Variants in LAMC2 observed in about 807,000 individuals in gnomAD.
The protein encoded by LAMC2 is laminin subunit gamma-2.
Under a neutral mutation model 140.2 loss-of-function variants are expected in LAMC2, and 97 were observed. The ratio of observed to expected loss-of-function variants is 0.69; its 90% confidence interval spans 0.59 to 0.82. LAMC2 has a LOEUF of 0.82. Ranked by LOEUF, LAMC2 falls within the 40% of genes least tolerant of loss-of-function variation. The pLI, the probability that LAMC2 is intolerant of heterozygous loss-of-function variation, is 0.00. For missense variants in LAMC2, 1,402 were observed against 1,476.1 expected (o/e 0.95, Z 0.82); for synonymous variants, 513 against 540.2 (o/e 0.95, Z 0.70).
chr1:183,226,719 T>A lies in LAMC2; in HGVS notation c.1088T>A (p.Val363Glu). The A allele has an allele frequency of 6.2e-7, 1 of 1,614,214 alleles. No homozygotes were observed. Among genetic ancestry groups the A allele is most frequent in the Non-Finnish European group, 8.5e-7 (1 of 1,180,026 alleles). ...GEYSTGYIDN[V>E]TLISARPVSG... ...GCAGGTACTGGGTACATTGACAATG[T>A]GACCCTGATTTCAGCCCGCCCTGTC... Residue 363 changes from valine (V) to glutamate (E), a missense_variant, in exon 9 of 23, where the codon GTG becomes GAG. Physicochemically the swap from Val to Glu is moderately radical, Grantham distance 121. Coordinates refer to ENST00000264144, the MANE Select transcript of LAMC2 (RefSeq NM_005562.3).
intron 12 of LAMC2, 34 bp from the exon 13 acceptor site, chr1:183,232,153 C>T (rs775435544): frequency 9.3e-6 from 15 of 1,612,148 alleles, no homozygotes; most frequent in African/African-American, 8.0e-5. Context: ...ACATGGTCTC[C>T]ACCCTCGTTC....
At position 183,235,573 on chromosome 1, in the gene LAMC2, A is replaced by C. The variant is rs1402979203; in HGVS notation, c.2301-2A>C. The C allele has an allele frequency of 6.2e-7, 1 of 1,614,092 alleles. No homozygotes were observed. The stretch of plus-strand genomic sequence containing the variant: ...TTATTCTTTTGTTTTTAATCCTTTC[A>C]GCCACGTTGAGTCAGCCAGTAACAT... On this transcript the variant is annotated splice_acceptor_variant, in intron 15 of 22. Transcript: ENST00000264144. LOFTEE classifies it high-confidence loss of function.
chr1:183,254,520 C>T, the LAMC2 span, among the ~76,000 whole-genome samples: 1 of 152,034 alleles, frequency 6.6e-6, no homozygotes, highest in Admixed American at 6.5e-5. Context: ...TCACTGGAGC[C>T]TCAAACTCCT....
In LAMC2 at chr1:183,243,450, G is replaced by A. The variant is rs753970323; in HGVS notation, c.*50G>A. The A allele has an allele frequency of 1.9e-6, 3 of 1,612,194 alleles. No individual in the cohort carries two copies. Among genetic ancestry groups the A allele is most frequent in the Non-Finnish European group, 2.5e-6 (3 of 1,178,490 alleles). On this transcript the variant is annotated 3_prime_UTR_variant, in exon 23 of 23. Coordinates refer to ENST00000264144, the MANE Select transcript of LAMC2 (RefSeq NM_005562.3). Reference sequence around the variant, plus strand: ...GAGGTTCTTGGGATACAGATCTCAGGGCTCGGGAGCCATGTCATGTGAGTG... The same window carrying A: ...GAGGTTCTTGGGATACAGATCTCAGAGCTCGGGAGCCATGTCATGTGAGTG...
rs535102186 is a variant in LAMC2 at position 183,241,582 on chromosome 1, G to A, written c.3328+1191G>A. Among the ~76,000 whole-genome samples the A allele has an allele frequency of 7.2e-4, 109 of 152,270 alleles. 3 individuals carry two copies. The South Asian group carries it at 0.016, about 22-fold the overall frequency. ...GCAGCAGATGTGGAACTAGAGATTC[G>A]TCACAGATTCCAGTAACATTTAGGA... On this transcript the variant is annotated intron_variant, in intron 22 of 22. Coordinates refer to ENST00000264144, the MANE Select transcript of LAMC2 (RefSeq NM_005562.3).
Position 183,243,540 on chromosome 1 carries a change from C to T in LAMC2, c.*140C>T. 1 of 1,042,972 alleles carries T rather than the reference C, an allele frequency of 9.6e-7. No individual in the cohort carries two copies. The highest frequency in any genetic ancestry group is 1.5e-6 in the Non-Finnish European group (1 of 682,654). The allele number at this position is 1,042,972 out of a possible 1,614,324, so 64.6% of individuals were successfully genotyped here. On this transcript the variant is annotated 3_prime_UTR_variant, in exon 23 of 23. Transcript: ENST00000264144. ...TCAGGTCAACTGACCTGACCCCATTCCTGATCCCATGGCCAGGTGGTTGTC... is the reference window on the plus strand; with the variant it reads ...TCAGGTCAACTGACCTGACCCCATTTCTGATCCCATGGCCAGGTGGTTGTC...
chr1:183,194,645 A>T (rs1396586330), intron 1 of LAMC2, among the ~76,000 whole-genome samples: 1 of 152,222 alleles, frequency 6.6e-6, no homozygotes, highest in Admixed American at 6.5e-5. Context: ...ATTCAGACAC[A>T]TCATAGAAGG....
At chr1:183,212,894 T>A (rs12403595) in intron 2 of LAMC2, among the ~76,000 whole-genome samples, 28,566 of 152,018 alleles carry the variant, frequency 0.19, 2,711 homozygotes, top group East Asian at 0.26. Context: ...TCATCATTCC[T>A]AACCCAAGAG....
intron 1 of LAMC2, among the ~76,000 whole-genome samples, chr1:183,203,156 C>T (rs1658774786): frequency 6.6e-6 from 1 of 152,156 alleles, no homozygotes; most frequent in African/African-American, 2.4e-5. Context: ...CAATAGATTT[C>T]ATACACAAAG....
At chr1:183,198,036 T>C (rs1658577439) in intron 1 of LAMC2, among the ~76,000 whole-genome samples, 1 of 151,222 alleles carries the variant, frequency 6.6e-6, no homozygotes, top group Non-Finnish European at 1.5e-5. Context: ...AGATTTGATG[T>C]CTCAGAAAGA....
chr1:183,240,432 C>A (rs771855441), intron 22 of LAMC2, 41 bp downstream of exon 22: 4 of 1,612,002 alleles, frequency 2.5e-6, no homozygotes, highest in Non-Finnish European at 3.4e-6. Flanking sequence ...GCTCCATGCT[C>A]CAGGGCTTTG....
In LAMC2 at chr1:183,238,329, G is replaced by A. The variant is rs201251711; in HGVS notation, c.2777G>A (p.Arg926His). The stretch of plus-strand genomic sequence containing the variant: ...CAGAAATCAGATCAGCTGCTTTCCC[G>A]TGCCAATCTTGCTAAAAGCAGAGCA... ...GREKSDQLLS[R>H]ANLAKSRAQE... The change falls in exon 19 of 23, where the codon CGT becomes CAT. Residue 926 changes from arginine (R) to histidine (H), a missense_variant. By Grantham distance (29) the Arg-to-His change is conservative. Transcript: ENST00000264144. The A allele has an allele frequency of 1.4e-4, 225 of 1,613,872 alleles. 4 individuals carry two copies. Among genetic ancestry groups the A allele is most frequent in the South Asian group, 5.9e-4 (54 of 91,080 alleles).
chr1:183,247,727 G>T (rs138252548), downstream of LAMC2, among the ~76,000 whole-genome samples: 479 of 152,274 alleles, frequency 3.1e-3, 6 homozygotes, highest in African/African-American at 0.011. Context: ...CCAATATAGG[G>T]TGTGTGATAT....
chr1:183,222,142 T>G lies in LAMC2; in HGVS notation c.694T>G (p.Trp232Gly), dbSNP rs1263146249. ...AAATGGGTCTCCTGCAAAGCTCCAA[T>G]GGTCACAGCGCCATCAAGATGTGTT... Reference protein sequence around the residue: ...QRNGSPAKLQWSQRHQDVFSS... With the variant: ...QRNGSPAKLQGSQRHQDVFSS... The change falls in exon 6 of 23, where the codon TGG (tryptophan) becomes GGG (glycine). Residue 232 changes from tryptophan to glycine, a missense_variant. Physicochemically the swap from Trp to Gly is radical, Grantham distance 184 (BLOSUM62 -2). Transcript: ENST00000264144. 4.3e-6 allele frequency: 7 copies of G among 1,614,082 alleles called. No homozygotes were observed. Among genetic ancestry groups the G allele is most frequent in the Middle Eastern group, 1.6e-4 (1 of 6,062 alleles).
In LAMC2 at chr1:183,206,406, G is replaced by A. The variant is rs939101404; in HGVS notation, c.80-1475G>A. The stretch of plus-strand genomic sequence containing the variant: ...CGCCTGTAATCCCAGCACTTTGGGA[G>A]GCCGAGGCAGGCGGATCACCTGAGG... On this transcript the variant is annotated intron_variant, in intron 1 of 22. Transcript: ENST00000264144. Among the ~76,000 whole-genome samples the A allele has an allele frequency of 2.2e-4, 34 of 152,290 alleles. No homozygotes were observed. In the East Asian group the frequency reaches 3.9e-3, roughly 17 times the overall value.
At chr1:183,231,230 C>G (rs1659792190) in intron 12 of LAMC2, 127 bp downstream of exon 12, 6 of 1,130,922 alleles carry the variant, frequency 5.3e-6, no homozygotes, top group Non-Finnish European at 7.8e-6. Flanking sequence ...ATTACTATTT[C>G]TGTCTTTAAA....
chr1:183,207,703 T>G (rs1489477397), intron 1 of LAMC2, among the ~76,000 whole-genome samples, 178 bp from the exon 2 acceptor site: 2 of 152,080 alleles, frequency 1.3e-5, no homozygotes, highest in Non-Finnish European at 2.9e-5. Context: ...GGAGCAGGCG[T>G]CCCCGGGGTC....
Position 183,208,187 on chromosome 1 carries a change from G to T in LAMC2, c.268+118G>T, listed in dbSNP as rs1658957834. On this transcript the variant is annotated intron_variant, in intron 2 of 22. Coordinates refer to ENST00000264144, the MANE Select transcript of LAMC2 (RefSeq NM_005562.3). The stretch of plus-strand genomic sequence containing the variant: ...CAACGGAGGAAAAAGAAAGAAAACA[G>T]GGAAAGCAAGCAGGCCAAGAGGGAG... 5 of 1,011,372 alleles carry T rather than the reference G, an allele frequency of 4.9e-6. No individual in the cohort carries two copies. In the South Asian group the frequency reaches 6.5e-5, roughly 13 times the overall value. 62.6% of individuals were successfully genotyped at this position (1,011,372 alleles called of 1,614,324 possible).
At chr1:183,216,035 C>T (rs904169505) in intron 3 of LAMC2, among the ~76,000 whole-genome samples, 3 of 152,140 alleles carry the variant, frequency 2.0e-5, no homozygotes, top group African/African-American at 7.2e-5. Context: ...TATCCCTGCT[C>T]GGATATTTTT....
Sources: allele counts gnomAD v4.1 joint callset (sites outside exome capture counted in the v4.1 genomes callset), GRCh38; gene constraint gnomAD v4.1.1; transcripts MANE v1.5; gene names NCBI Gene and HGNC (gene_info 2026-07-23, HGNC 2026-07-21).